Variants in CASK observed in about 807,000 individuals in gnomAD.
The protein encoded by CASK is peripheral plasma membrane protein CASK.
CASK carries 4 observed loss-of-function variants against 82.9 expected under a neutral mutation model. The ratio of observed to expected loss-of-function variants is 0.05; its 90% CI spans 0.02 to 0.11. The LOEUF is 0.11. Ranked by LOEUF, CASK falls within the 10% of genes least tolerant of loss-of-function variation. The pLI is 1.00. For synonymous variants in CASK, 259 were observed against 253.5 expected, an observed-to-expected ratio of 1.02 and a Z score of -0.20; for missense variants, 358 against 720.9, an observed-to-expected ratio of 0.50 and a Z score of 5.76.
intron 3 of CASK, among the ~76,000 whole-genome samples, chrX:41,769,159 T>TA (rs1193838066): frequency 4.6e-4 from 47 of 101,206 alleles, no homozygotes; most frequent in African/African-American, 8.5e-4. Context: ...ACTAAATAAG[T>TA]AAAAAAAAAA....
Position 41,518,987 on chromosome X carries a change from G to A in CASK, c.*1433C>T, listed in dbSNP as rs2064598992. 1 of 111,490 alleles carries A rather than the reference G, an allele frequency of 9.0e-6. No homozygotes were observed. Among genetic ancestry groups the A allele is most frequent in the South Asian group, 3.7e-4 (1 of 2,668 alleles). The allele number at this position is 111,490 out of a possible 1,213,427, so 9.2% of individuals were successfully genotyped here. On this transcript the variant is annotated 3_prime_UTR_variant, in exon 27 of 27. Transcript: ENST00000378163. ...CAGCAAGAGGAAGGAGAGACCACAG[G>A]TGGCCTCCAGTACACCCGTGGCCCT...
At chrX:41,731,581 T>A (rs750571549) in intron 5 of CASK, among the ~76,000 whole-genome samples, 23 of 112,281 alleles carry the variant, frequency 2.0e-4, no homozygotes, top group Non-Finnish European at 3.9e-4. Flanking sequence ...TTTAAGTTAC[T>A]CATTCTGATA....
chrX:41,727,507 G>A (rs751134752), intron 5 of CASK: 1 of 1,209,841 alleles, frequency 8.3e-7, no homozygotes, highest in Non-Finnish European at 1.1e-6. Flanking sequence ...TTACATATGG[G>A]GAGTTGTACT....
At chrX:41,747,114 T>C (rs1220462478) in intron 3 of CASK, among the ~76,000 whole-genome samples, 1 of 111,454 alleles carries the variant, frequency 9.0e-6, no homozygotes, top group Non-Finnish European at 1.9e-5. Flanking sequence ...ATTCTATTAT[T>C]TGATTCTCGG....
intron 1 of CASK, among the ~76,000 whole-genome samples, chrX:41,901,630 T>C (rs1390194565): frequency 9.0e-6 from 1 of 111,492 alleles, no homozygotes; most frequent in Non-Finnish European, 1.9e-5. Context: ...AGTTTTCAGG[T>C]GGGCTATCCT....
At chrX:41,904,703 C>G (rs1279140526) in intron 1 of CASK, among the ~76,000 whole-genome samples, 1 of 110,923 alleles carries the variant, frequency 9.0e-6, no homozygotes. Context: ...ATTTTGTCAC[C>G]CAGGTAATCA....
chrX:41,839,480 C>G (rs5963279), intron 2 of CASK, among the ~76,000 whole-genome samples: 21,125 of 108,696 alleles, frequency 0.19, 1,634 homozygotes, highest in Middle Eastern at 0.3. Flanking sequence ...ACTGATTTTT[C>G]GTATGTTTAT....
intron 2 of CASK, among the ~76,000 whole-genome samples, chrX:41,808,962 G>A (rs917488702): frequency 8.9e-6 from 1 of 112,637 alleles, no homozygotes; most frequent in African/African-American, 3.2e-5. Flanking sequence ...TGGCTCAGAG[G>A]GTCCCACACC....
At chrX:41,769,868 C>A (rs1391646936) in intron 3 of CASK, among the ~76,000 whole-genome samples, 1 of 110,898 alleles carries the variant, frequency 9.0e-6, no homozygotes. Context: ...TCACTTGAGC[C>A]CAGGAGGTAG....
intron 2 of CASK, among the ~76,000 whole-genome samples, chrX:41,824,755 C>T (rs1414768048): frequency 9.0e-6 from 1 of 111,484 alleles, no homozygotes; most frequent in Non-Finnish European, 1.9e-5. Flanking sequence ...TCTCAGTGAA[C>T]CTCACTGTGA....
intron 5 of CASK, among the ~76,000 whole-genome samples, chrX:41,737,577 T>C (rs2068518998): frequency 8.9e-6 from 1 of 112,367 alleles, no homozygotes; most frequent in African/African-American, 3.2e-5. Flanking sequence ...GGTCAAATTA[T>C]CTACTTTTGG....
At chrX:41,812,915 G>A (rs12688675) in intron 2 of CASK, among the ~76,000 whole-genome samples, 3 of 111,713 alleles carry the variant, frequency 2.7e-5, no homozygotes, top group Non-Finnish European at 5.7e-5. Flanking sequence ...AAATCAATGT[G>A]CAAAAATCAC....
At chrX:41,650,477 A>T in intron 8 of CASK, among the ~76,000 whole-genome samples, 1 of 107,862 alleles carries the variant, frequency 9.3e-6, no homozygotes, top group African/African-American at 3.4e-5. Context: ...TGTTTTTGAC[A>T]CAAAGCAATG....
intron 12 of CASK, among the ~76,000 whole-genome samples, chrX:41,603,507 C>A (rs2065919687): frequency 8.9e-6 from 1 of 111,931 alleles, no homozygotes; most frequent in African/African-American, 3.2e-5. Flanking sequence ...ATGAAAGATT[C>A]CAAGTATCAG....
chrX:41,880,042 T>C (rs940084677), intron 1 of CASK, among the ~76,000 whole-genome samples: 5 of 112,064 alleles, frequency 4.5e-5, no homozygotes, highest in Non-Finnish European at 9.4e-5. Context: ...CTAATAATAC[T>C]ATAAGTAAGC....
At chrX:41,777,848 C>G (rs192371162) in intron 3 of CASK, among the ~76,000 whole-genome samples, 1 of 111,757 alleles carries the variant, frequency 8.9e-6, no homozygotes, top group Non-Finnish European at 1.9e-5. Context: ...TACTCTTTTA[C>G]CCAGTTATTC....
At chrX:41,696,158 T>C in intron 5 of CASK, 1 of 1,207,031 alleles carries the variant, frequency 8.3e-7, no homozygotes, top group Non-Finnish European at 1.1e-6. Flanking sequence ...TTTATGTCTG[T>C]TGTATAGTAT....
At chrX:41,778,326 G>C (rs745496008) in intron 3 of CASK, among the ~76,000 whole-genome samples, 3 of 108,965 alleles carry the variant, frequency 2.8e-5, no homozygotes, top group Non-Finnish European at 5.7e-5. Flanking sequence ...TGCCTCCCAG[G>C]TTCAAGTGAT....
intron 4 of CASK, 53 bp downstream of exon 4, chrX:41,745,468 CATT>C (rs780580858): frequency 8.2e-5 from 65 of 795,952 alleles, no homozygotes; most frequent in Non-Finnish European, 1.1e-4. Flanking sequence ...ATGTCTTTGT[CATT>C]TTCTTTTTTT....
Sources: allele counts gnomAD v4.1 joint callset (sites outside exome capture counted in the v4.1 genomes callset), GRCh38; gene constraint gnomAD v4.1.1; transcripts MANE v1.5; gene names NCBI Gene and HGNC (gene_info 2026-07-23, HGNC 2026-07-21).